TRPM3: variants seen among roughly 807,000 people sequenced by gnomAD.
TRPM3 encodes long transient receptor potential channel 3.
TRPM3 carries 77 observed loss-of-function variants against 181.2 expected under a neutral mutation model. That is an observed-to-expected ratio of 0.42 (90% CI 0.35 to 0.51). The LOEUF (loss-of-function observed/expected upper bound fraction) is 0.51. Ranked by LOEUF, TRPM3 falls within the 20% of genes least tolerant of loss-of-function variation. The probability of loss-of-function intolerance (pLI) is 0.01; values close to 1 mark genes in which losing one functional copy is unlikely to be tolerated. For missense variants in TRPM3, 1,759 were observed against 2,196.7 expected (o/e 0.80, Z 3.98); for synonymous variants, 745 against 796.4 (o/e 0.94, Z 1.09).
chr9:71,332,074 T>C (rs2090231407), intron 1 of TRPM3, among the ~76,000 whole-genome samples: 1 of 150,864 alleles, frequency 6.6e-6, no homozygotes, highest in Non-Finnish European at 1.5e-5. Context: ...AATAGAAAAT[T>C]CTGGTTAATT....
chr9:70,534,451 T>C lies in TRPM3; in HGVS notation c.*1502A>G, dbSNP rs1030144990. 2.0e-5 allele frequency: 3 copies of C among 152,218 alleles called. No individual in the cohort carries two copies. Among genetic ancestry groups the C allele is most frequent in the African/African-American group, 7.2e-5 (3 of 41,450 alleles). The allele number at this position is 152,218 out of a possible 1,614,324, so 9.4% of individuals were successfully genotyped here. On this transcript the variant is annotated 3_prime_UTR_variant, in exon 26 of 26. Transcript: ENST00000677713. ...AAATCTTGATTATACTTCAAGGTGA[T>C]AGAAAAGTCCAAGCCTCTTAAGAAA...
intron 25 of TRPM3, among the ~76,000 whole-genome samples, chr9:70,545,064 T>A (rs1679210942): frequency 6.6e-6 from 1 of 152,204 alleles, no homozygotes; most frequent in Admixed American, 6.5e-5. Context: ...ATTTTATGAA[T>A]GGGGACATAG....
chr9:71,183,927 A>C (rs1449168454), intron 1 of TRPM3, among the ~76,000 whole-genome samples: 1 of 152,136 alleles, frequency 6.6e-6, no homozygotes, highest in African/African-American at 2.4e-5. Context: ...TTTGCCCGTT[A>C]CTATACAAGG....
At chr9:71,289,181 G>GAC (rs2085562619) in intron 1 of TRPM3, among the ~76,000 whole-genome samples, 1 of 151,526 alleles carries the variant, frequency 6.6e-6, no homozygotes, top group African/African-American at 2.4e-5. Flanking sequence ...GAGAGAGAGA[G>GAC]ACAGCAGAAA....
chr9:71,333,453 G>A (rs2090352263), intron 1 of TRPM3, among the ~76,000 whole-genome samples: 1 of 151,976 alleles, frequency 6.6e-6, no homozygotes, highest in Admixed American at 6.6e-5. Flanking sequence ...GCTCACAAAA[G>A]ACGGCCATTT....
At chr9:70,615,785 A>G in intron 18 of TRPM3, 123 bp downstream of exon 18, 1 of 1,018,022 alleles carries the variant, frequency 9.8e-7, no homozygotes, top group Non-Finnish European at 1.4e-6. Flanking sequence ...CTCCATGATT[A>G]AACCTGGTGG....
intron 1 of TRPM3, among the ~76,000 whole-genome samples, chr9:70,955,811 C>A (rs1051543435): frequency 6.6e-6 from 1 of 152,148 alleles, no homozygotes; most frequent in Non-Finnish European, 1.5e-5. Context: ...AAGTCTTTGT[C>A]AATGTTTTGA....
chr9:70,899,464 C>A (rs74663993), intron 1 of TRPM3, among the ~76,000 whole-genome samples: 8 of 152,132 alleles, frequency 5.3e-5, no homozygotes, highest in Non-Finnish European at 1.2e-4. Flanking sequence ...TCACATCTTA[C>A]ACTTGAGCTA....
At chr9:70,818,250 A>G (rs1401117059) in intron 6 of TRPM3, among the ~76,000 whole-genome samples, 1 of 152,206 alleles carries the variant, frequency 6.6e-6, no homozygotes, top group Non-Finnish European at 1.5e-5. Flanking sequence ...ATGATTCATG[A>G]ATTTATTCAT....
At chr9:70,952,988 T>A (rs1224185633) in intron 1 of TRPM3, among the ~76,000 whole-genome samples, 1 of 152,170 alleles carries the variant, frequency 6.6e-6, no homozygotes, top group Admixed American at 6.5e-5. Flanking sequence ...CCAAATAACA[T>A]AGAAATGGCC....
At chr9:70,740,676 T>C (rs571048979) in intron 8 of TRPM3, among the ~76,000 whole-genome samples, 7 of 151,284 alleles carry the variant, frequency 4.6e-5, no homozygotes, top group Non-Finnish European at 5.9e-5. Flanking sequence ...ATAAAGCCAA[T>C]TGATCTTTAA....
intron 1 of TRPM3, among the ~76,000 whole-genome samples, chr9:71,154,789 G>C (rs2075901717): frequency 6.6e-6 from 1 of 152,116 alleles, no homozygotes; most frequent in Non-Finnish European, 1.5e-5. Context: ...CAACCAATTT[G>C]ATCTTATTCA....
intron 1 of TRPM3, among the ~76,000 whole-genome samples, chr9:71,385,567 A>G (rs576564003): frequency 9.2e-5 from 14 of 152,292 alleles, no homozygotes; most frequent in African/African-American, 2.9e-4. Context: ...TTTCACAATC[A>G]TGTTGCAACC....
At chr9:70,689,641 C>T (rs1423955858) in intron 8 of TRPM3, among the ~76,000 whole-genome samples, 1 of 151,800 alleles carries the variant, frequency 6.6e-6, no homozygotes, top group Non-Finnish European at 1.5e-5. Flanking sequence ...TTTTTTGAGA[C>T]TTGATATGAG....
chr9:71,074,855 C>T (rs2063240144), intron 1 of TRPM3, among the ~76,000 whole-genome samples: 1 of 151,944 alleles, frequency 6.6e-6, no homozygotes, highest in Non-Finnish European at 1.5e-5. Context: ...GAAAGGCTAA[C>T]TTGAAATAAC....
intron 1 of TRPM3, among the ~76,000 whole-genome samples, chr9:71,399,778 G>C (rs916946811): frequency 6.6e-6 from 1 of 152,006 alleles, no homozygotes; most frequent in Non-Finnish European, 1.5e-5. Flanking sequence ...TGATCCGCCC[G>C]CCTTGGGCTT....
At chr9:71,057,122 C>T (rs898265664) in intron 1 of TRPM3, among the ~76,000 whole-genome samples, 3 of 152,048 alleles carry the variant, frequency 2.0e-5, no homozygotes, top group Admixed American at 1.3e-4. Flanking sequence ...TCATGACCCC[C>T]TCGACACAGA....
Position 70,783,259 on chromosome 9 carries a change from T to A in TRPM3, c.1148+846A>T, listed in dbSNP as rs561318721. 1.3e-4 allele frequency among the ~76,000 whole-genome samples: 20 copies of A among 152,298 alleles called. No individual in the cohort carries two copies. The South Asian group carries it at 2.1e-3, about 16-fold the overall frequency. On this transcript the variant is annotated intron_variant, in intron 7 of 25. Coordinates refer to ENST00000677713, the MANE Select transcript of TRPM3 (RefSeq NM_001366145.2). ...CATGAATAAAAGACCATCATCTCAT[T>A]TGGGGCTTTCCCCTCCCCACAAATT... is the stretch of plus-strand genomic sequence containing the variant.
intron 1 of TRPM3, among the ~76,000 whole-genome samples, chr9:71,194,433 G>A (rs1037099528): frequency 6.6e-6 from 1 of 151,834 alleles, no homozygotes; most frequent in Non-Finnish European, 1.5e-5. Context: ...AACAGAACTG[G>A]GCAAAAGAAT....
Sources: allele counts gnomAD v4.1 joint callset (sites outside exome capture counted in the v4.1 genomes callset), GRCh38; gene constraint gnomAD v4.1.1; transcripts MANE v1.5; gene names NCBI Gene and HGNC (gene_info 2026-07-23, HGNC 2026-07-21).